PCDH9: variants seen among roughly 807,000 people sequenced by gnomAD.
PCDH9 encodes protocadherin-9.
Under a neutral mutation model 70.6 loss-of-function variants are expected in PCDH9, and 24 were observed. The ratio of observed to expected loss-of-function variants is 0.34; its 90% CI spans 0.25 to 0.48. The LOEUF (loss-of-function observed/expected upper bound fraction) is 0.48, where lower values mean the gene tolerates loss of function less well. Among genes scored for constraint, PCDH9 ranks in the 20% least tolerant of loss-of-function variants. The probability of loss-of-function intolerance (pLI) is 0.99; values close to 1 mark genes in which losing one functional copy is unlikely to be tolerated. For missense variants in PCDH9, 1,281 were observed against 1,503.6 expected (o/e 0.85, Z 2.45); for synonymous variants, 562 against 558.5 (o/e 1.01, Z -0.09).
At chr13:66,700,634 CA>C (rs1357016164) in intron 3 of PCDH9, among the ~76,000 whole-genome samples, 1 of 151,710 alleles carries the variant, frequency 6.6e-6, no homozygotes, top group Non-Finnish European at 1.5e-5. Context: ...ATCTGAAGTT[CA>C]AAAAAGGAAA....
At chr13:66,926,590 C>T (rs2082721609) in intron 2 of PCDH9, among the ~76,000 whole-genome samples, 1 of 152,014 alleles carries the variant, frequency 6.6e-6, no homozygotes, top group Admixed American at 6.6e-5. Context: ...TGGGCATGAG[C>T]AGTCTCTCCT....
intron 2 of PCDH9, among the ~76,000 whole-genome samples, chr13:66,934,163 A>G (rs1200531754): frequency 6.6e-6 from 1 of 152,166 alleles, no homozygotes; most frequent in Non-Finnish European, 1.5e-5. Flanking sequence ...ATGACTTGAC[A>G]ATATGGCATT....
chr13:66,984,131 T>A (rs574256574), intron 2 of PCDH9, among the ~76,000 whole-genome samples: 1 of 152,212 alleles, frequency 6.6e-6, no homozygotes, highest in South Asian at 2.1e-4. Context: ...TGAAAACAGA[T>A]GTAAATGAAA....
At chr13:66,545,327 G>A (rs1025490352) in intron 4 of PCDH9, among the ~76,000 whole-genome samples, 1 of 151,904 alleles carries the variant, frequency 6.6e-6, no homozygotes, top group Non-Finnish European at 1.5e-5. Flanking sequence ...CCTATCTCTA[G>A]GTTTTTATTC....
At chr13:66,483,978 A>G (rs1958892610) in intron 4 of PCDH9, among the ~76,000 whole-genome samples, 1 of 151,994 alleles carries the variant, frequency 6.6e-6, no homozygotes, top group African/African-American at 2.4e-5. Context: ...CAGGCCATCA[A>G]CCGGCAGGAC....
chr13:66,738,660 G>A (rs1040597998), intron 3 of PCDH9, among the ~76,000 whole-genome samples: 26 of 147,728 alleles, frequency 1.8e-4, no homozygotes, highest in African/African-American at 6.4e-4. Context: ...AGCTGATGGA[G>A]CTGAAAACCA....
intron 2 of PCDH9, chr13:67,222,327 C>A (rs975103275): frequency 6.9e-6 from 1 of 144,564 alleles, no homozygotes; most frequent in African/African-American, 2.6e-5. Context: ...AAAGGCTAAT[C>A]GCACTTCCAA....
At chr13:67,145,351 T>G (rs1403095992) in intron 2 of PCDH9, among the ~76,000 whole-genome samples, 1 of 152,048 alleles carries the variant, frequency 6.6e-6, no homozygotes, top group Non-Finnish European at 1.5e-5. Flanking sequence ...TGTTCTGAAT[T>G]AATTATTTTA....
chr13:66,344,433 T>A (rs1956181622), intron 4 of PCDH9, among the ~76,000 whole-genome samples: 1 of 152,144 alleles, frequency 6.6e-6, no homozygotes, highest in African/African-American at 2.4e-5. Context: ...GCCAATAAAG[T>A]ATTTTTAACT....
intron 3 of PCDH9, among the ~76,000 whole-genome samples, chr13:66,689,710 G>C (rs376980259): frequency 6.6e-6 from 1 of 151,888 alleles, no homozygotes; most frequent in South Asian, 2.1e-4. Flanking sequence ...AGGTATCTTC[G>C]GGTGTTGACT....
At position 67,226,042 on chromosome 13, in the gene PCDH9, A is replaced by T. The variant is rs2089859543; in HGVS notation, c.2399T>A (p.Ile800Lys). 1 of 1,613,936 alleles carries T rather than the reference A, an allele frequency of 6.2e-7. No individual in the cohort carries two copies. Among genetic ancestry groups the T allele is most frequent in the African/African-American group, 1.3e-5 (1 of 74,900 alleles). Residue 800 changes from isoleucine to lysine, a missense_variant, in exon 2 of 5, where the codon ATA becomes AAA. Coordinates refer to ENST00000377865, the MANE Select transcript of PCDH9 (RefSeq NM_203487.3). This position sits in a 1 kb window ranked among gnomAD's most constrained non-coding sequence, Gnocchi z 5.0. The stretch of plus-strand genomic sequence containing the variant: ...TTGATAGGGTTGGCTACTATCCCCT[A>T]TGTTCCTGTCCAACGGGGTCTCCAT... ...RTMETPLDRN[I>K]GDSSQPYQNE...
chr13:66,764,972 GTC>G (rs1261400276), intron 3 of PCDH9, among the ~76,000 whole-genome samples: 2 of 151,748 alleles, frequency 1.3e-5, no homozygotes, highest in African/African-American at 2.4e-5. Flanking sequence ...TTCTGTCTCT[GTC>G]TCTCTGTCAG....
intron 2 of PCDH9, among the ~76,000 whole-genome samples, chr13:66,961,868 T>A (rs1479049641): frequency 1.3e-5 from 2 of 151,422 alleles, no homozygotes; most frequent in African/African-American, 4.9e-5. Context: ...CTGACCAACA[T>A]GGTGAAACCC....
chr13:66,505,010 AC>A (rs1168980504), intron 4 of PCDH9, among the ~76,000 whole-genome samples: 1 of 152,016 alleles, frequency 6.6e-6, no homozygotes, highest in Non-Finnish European at 1.5e-5. Flanking sequence ...CACATCCTAC[AC>A]CTTTTCCATA....
chr13:66,570,808 A>G (rs1400547909), intron 4 of PCDH9, among the ~76,000 whole-genome samples: 4 of 152,124 alleles, frequency 2.6e-5, no homozygotes, highest in African/African-American at 9.6e-5. Flanking sequence ...ACATTTAAAA[A>G]AGGTATTTAT....
chr13:67,178,810 A>G (rs545752647), intron 2 of PCDH9, among the ~76,000 whole-genome samples: 1 of 152,204 alleles, frequency 6.6e-6, no homozygotes, highest in East Asian at 1.9e-4. Flanking sequence ...TTGAGTAAAG[A>G]TTTACACAAA....
Position 67,150,558 on chromosome 13 carries a change from T to C in PCDH9, c.3036+74847A>G, listed in dbSNP as rs1309415089. ...TCAATGGCCCCAGGGTGTTCCCTCATTCAATCCGTTGGTTTTGCCCTAATA... is the reference window on the plus strand; with the variant it reads ...TCAATGGCCCCAGGGTGTTCCCTCACTCAATCCGTTGGTTTTGCCCTAATA... On this transcript the variant is annotated intron_variant, in intron 2 of 4. Coordinates refer to ENST00000377865, the MANE Select transcript of PCDH9 (RefSeq NM_203487.3). 2.6e-5 allele frequency among the ~76,000 whole-genome samples: 4 copies of C among 152,342 alleles called. No individual in the cohort carries two copies. In the South Asian group the frequency reaches 6.2e-4, roughly 24 times the overall value.
At chr13:66,988,876 T>C (rs1219063253) in intron 2 of PCDH9, among the ~76,000 whole-genome samples, 69 of 151,978 alleles carry the variant, frequency 4.5e-4, no homozygotes, top group Admixed American at 4.5e-3. Flanking sequence ...CTGATTGCGA[T>C]TACAGAAGAC....
chr13:66,798,191 C>T (rs922609360), intron 3 of PCDH9, among the ~76,000 whole-genome samples: 3 of 151,984 alleles, frequency 2.0e-5, no homozygotes, highest in African/African-American at 4.8e-5. Context: ...CAAATACAAT[C>T]CTATGAAATG....
Sources: allele counts gnomAD v4.1 joint callset (sites outside exome capture counted in the v4.1 genomes callset), GRCh38; gene constraint gnomAD v4.1.1; non-coding constraint Gnocchi (gnomAD v3.1); transcripts MANE v1.5; gene names NCBI Gene and HGNC (gene_info 2026-07-23, HGNC 2026-07-21).